The following LSR variants were observed in gnomAD, a reference collection of about 807,000 sequenced individuals.
LSR encodes the protein lipolysis stimulated lipoprotein receptor, also known as lipolysis-stimulated lipoprotein receptor.
A neutral mutation model predicts 61.8 loss-of-function variants in LSR; 44 were observed. That is an observed-to-expected ratio of 0.71 (90% CI 0.56 to 0.91). The LOEUF is 0.91. Among genes scored for constraint, LSR ranks in the 40% least tolerant of loss-of-function variants. LSR has a pLI of 0.00. For synonymous variants in LSR, 397 were observed against 350.6 expected (o/e 1.13, Z -1.48); for missense variants, 911 against 830.5 (o/e 1.10, Z -1.19).
At chr19:35,264,358 G>T (rs189009623) in intron 5 of LSR, 6 of 152,284 alleles carry the variant, frequency 3.9e-5, no homozygotes, top group African/African-American at 1.4e-4. Flanking sequence ...AATTGAAAAA[G>T]ACTTGCTCCT....
chr19:35,257,290 A>G (rs2065867871), intron 2 of LSR, among the ~76,000 whole-genome samples: 1 of 152,136 alleles, frequency 6.6e-6, no homozygotes, highest in Non-Finnish European at 1.5e-5. Flanking sequence ...AGACTTCAGC[A>G]GTTGGGTGGG....
In LSR at chr19:35,266,666, C is replaced by A; in HGVS notation, c.953-13C>A. The A allele has an allele frequency of 6.2e-7, 1 of 1,605,508 alleles. No homozygotes were observed. The highest frequency in any genetic ancestry group is 1.7e-4 in the Middle Eastern group (1 of 5,756). On this transcript the variant is annotated splice_polypyrimidine_tract_variant and intron_variant, in intron 6 of 9. Coordinates refer to ENST00000605618, the MANE Select transcript of LSR (RefSeq NM_205834.4). Reference sequence around the variant, plus strand: ...CTCCTGGTGCGCGGCCACTGACAGCCACTCTCCCCCAGCTGGTGGCCAAGG... The same window carrying A: ...CTCCTGGTGCGCGGCCACTGACAGCAACTCTCCCCCAGCTGGTGGCCAAGG...
At position 35,266,949 on chromosome 19, in the gene LSR, A is replaced by G. The variant is rs751567328; in HGVS notation, c.1126A>G (p.Ser376Gly). 2.5e-6 allele frequency: 4 copies of G among 1,612,968 alleles called. No homozygotes were observed. The African/African-American group carries it at 4.0e-5, about 16-fold the overall frequency. The change falls in exon 8 of 10, where the codon AGT (serine) becomes GGT (glycine). Residue 376 changes from serine to glycine, a missense_variant. Ser to Gly is a moderately conservative substitution (Grantham distance 56). Coordinates refer to ENST00000605618, the MANE Select transcript of LSR (RefSeq NM_205834.4). ...CGACCCTTCTCGACCTGGCCCCCCCAGTGGCCGTGTGGAGCGGGGTAAGCA... is the reference window on the plus strand; with the variant it reads ...CGACCCTTCTCGACCTGGCCCCCCCGGTGGCCGTGTGGAGCGGGGTAAGCA... ...NFDPSRPGPP[S>G]GRVERAMSEV...
intron 2 of LSR, 134 bp downstream of exon 2, chr19:35,250,793 T>TTA: frequency 1.5e-5 from 9 of 586,594 alleles, no homozygotes; most frequent in East Asian, 6.5e-5. Context: ...AAGGGAGCAA[T>TTA]TCTTTTTTTT....
At chr19:35,259,290 G>A in intron 3 of LSR, 1 of 462,898 alleles carries the variant, frequency 2.2e-6, no homozygotes, top group Non-Finnish European at 3.8e-6. Context: ...CAAACTAAGA[G>A]AAGAGTGGAG....
At chr19:35,251,473 T>G (rs1015510361) in intron 2 of LSR, 4 of 152,230 alleles carry the variant, frequency 2.6e-5, no homozygotes, top group African/African-American at 9.7e-5. Context: ...ATTGAATAGA[T>G]TCTATCATTG....
rs748243725 is a variant in LSR, at chr19:35,266,964, C to T, written c.1141C>T (p.Arg381Trp). 5.6e-6 allele frequency: 9 copies of T among 1,610,530 alleles called. No individual in the cohort carries two copies. The highest frequency in any genetic ancestry group is 1.1e-5 in the South Asian group (1 of 90,674). Reference protein sequence around the residue: ...RPGPPSGRVERAMSEVTSLHE... With the variant: ...RPGPPSGRVEWAMSEVTSLHE... ...TGGCCCCCCCAGTGGCCGTGTGGAG[C>T]GGGGTAAGCAGGAGCCTTGGGGTCT... Residue 381 changes from arginine (R) to tryptophan (W), a missense_variant, in exon 8 of 10, where the codon CGG becomes TGG. Transcript: ENST00000605618.
intron 3 of LSR, chr19:35,259,411 G>A (rs924434865): frequency 2.6e-5 from 5 of 192,946 alleles, no homozygotes; most frequent in South Asian, 8.8e-5. Flanking sequence ...AGGCCGAGGC[G>A]GGTGGATCAC....
chr19:35,256,014 C>T lies in LSR; in HGVS notation c.455-2931C>T, dbSNP rs542061975. ...TTGGGAGGCCCAGGCGGGCAGATCA[C>T]TTGAGGTCAGGAGTTCCAGACCTGC... On this transcript the variant is annotated intron_variant, in intron 2 of 9. Coordinates refer to ENST00000605618, the MANE Select transcript of LSR (RefSeq NM_205834.4). 2.6e-5 allele frequency among the ~76,000 whole-genome samples: 4 copies of T among 152,294 alleles called. No homozygotes were observed. In the South Asian group the frequency reaches 8.3e-4, roughly 32 times the overall value.
At position 35,267,529 on chromosome 19, in the gene LSR, G is replaced by A. The variant is rs1310256952; in HGVS notation, c.1565G>A (p.Arg522His). 15 of 1,612,002 alleles carry A rather than the reference G, an allele frequency of 9.3e-6. No individual in the cohort carries two copies. The highest frequency in any genetic ancestry group is 4.5e-5 in the East Asian group (2 of 44,848). Residue 522 changes from arginine to histidine, a missense_variant, in exon 9 of 10, where the codon CGT (arginine) becomes CAT (histidine). Coordinates refer to ENST00000605618, the MANE Select transcript of LSR (RefSeq NM_205834.4). ...GCCGACCCCAGGTCCCACCACCACC[G>A]TACCCGGGACCCTCGGGACAACGGC... ...PPADPRSHHH[R>H]TRDPRDNGSR...
chr19:35,260,673 T>A (rs1321907261), intron 3 of LSR, among the ~76,000 whole-genome samples: 2 of 151,978 alleles, frequency 1.3e-5, no homozygotes, highest in Non-Finnish European at 2.9e-5. Flanking sequence ...CAAAAAATTT[T>A]AAAATTAACC....
At chr19:35,267,787 C>T (rs1384714172) in intron 9 of LSR, 37 bp from the exon 10 acceptor site, 1 of 1,613,830 alleles carries the variant, frequency 6.2e-7, no homozygotes, top group Non-Finnish European at 8.5e-7. Flanking sequence ...CCAGCCGGTC[C>T]CCGCGGCTCA....
rs2066017930 is a variant in LSR at position 35,267,135 on chromosome 19, G to C, written c.1171G>C (p.Glu391Gln). 2 of 1,529,074 alleles carry C rather than the reference G, an allele frequency of 1.3e-6. No homozygotes were observed. The highest frequency in any genetic ancestry group is 2.3e-5 in the East Asian group (1 of 44,208). 94.7% of individuals were successfully genotyped at this position (1,529,074 alleles called of 1,614,324 possible). ...RAMSEVTSLH[E>Q]DDWRSRPSRG... ...CATGAGTGAAGTCACCTCCCTCCAC[G>C]AGGACGACTGGCGATCTCGGCCTTC... The change falls in exon 9 of 10, where the codon GAG (glutamate) becomes CAG (glutamine). Residue 391 changes from glutamate (E) to glutamine (Q), a missense_variant. Physicochemically the swap from Glu to Gln is conservative, Grantham distance 29. Transcript: ENST00000605618.
At chr19:35,254,133 G>A (rs1332911274) in intron 2 of LSR, among the ~76,000 whole-genome samples, 1 of 151,948 alleles carries the variant, frequency 6.6e-6, no homozygotes, top group East Asian at 1.9e-4. Context: ...TTTTTCTGTT[G>A]CCCAGGCTGG....
At chr19:35,259,336 T>A (rs2065895951) in intron 3 of LSR, 1 of 302,688 alleles carries the variant, frequency 3.3e-6, no homozygotes, top group Admixed American at 4.7e-5. Flanking sequence ...AGTCTCATTT[T>A]TAAAAAAAAT....
rs138382483 is a variant in LSR at position 35,267,861 on chromosome 19, C to G, written c.*2C>G. ...AGTCGGGAAAGTTTAGTCGTCTGATCTGACGTTTTCTACGTAGCTTTTGTA... is the reference window on the plus strand; with the variant it reads ...AGTCGGGAAAGTTTAGTCGTCTGATGTGACGTTTTCTACGTAGCTTTTGTA... On this transcript the variant is annotated 3_prime_UTR_variant, in exon 10 of 10. Coordinates refer to ENST00000605618, the MANE Select transcript of LSR (RefSeq NM_205834.4). 65 of 1,613,920 alleles carry G rather than the reference C, an allele frequency of 4.0e-5. No individual in the cohort carries two copies. In the African/African-American group the frequency reaches 7.9e-4, roughly 20 times the overall value.
At chr19:35,264,416 CAG>C (rs1439942801) in intron 5 of LSR, 25 of 152,218 alleles carry the variant, frequency 1.6e-4, no homozygotes, top group African/African-American at 5.8e-4. Context: ...GACACTTTCA[CAG>C]AGGAGCTGAT....
rs754974137 is a variant in LSR, at chr19:35,267,615, G to A, written c.1651G>A (p.Gly551Arg). 40 of 1,612,312 alleles carry A rather than the reference G, an allele frequency of 2.5e-5. No homozygotes were observed. The highest frequency in any genetic ancestry group is 6.7e-5 in the African/African-American group (5 of 74,930). ...RLLEEAVRKK[G>R]SEERRRPHKE... ...ACTGGAGGAGGCTGTGAGGAAGAAGGGGTCGGAGGAGAGGAGGAGACCCCA... is the reference window on the plus strand; with the variant it reads ...ACTGGAGGAGGCTGTGAGGAAGAAGAGGTCGGAGGAGAGGAGGAGACCCCA... Residue 551 changes from glycine to arginine, a missense_variant, in exon 9 of 10, where the codon GGG (glycine) becomes AGG (arginine). By Grantham distance (125) the Gly-to-Arg change is moderately radical (BLOSUM62 -2). Coordinates refer to ENST00000605618, the MANE Select transcript of LSR (RefSeq NM_205834.4).
Position 35,267,557 on chromosome 19 carries a change from C to G in LSR, c.1593C>G (p.Ser531=), listed in dbSNP as rs1490158238. The G allele has an allele frequency of 2.5e-6, 4 of 1,612,276 alleles. No individual in the cohort carries two copies. In the East Asian group the frequency reaches 8.9e-5, roughly 36 times the overall value. The stretch of plus-strand genomic sequence containing the variant: ...CCCGGGACCCTCGGGACAACGGCTC[C>G]AGGTCCGGGGACCTCCCCTATGATG... ...HRTRDPRDNG[S]RSGDLPYDGR... The change falls in exon 9 of 10, where the codon TCC becomes TCG. Residue 531 remains serine (S), a synonymous_variant. Coordinates refer to ENST00000605618, the MANE Select transcript of LSR (RefSeq NM_205834.4).
Sources: gnomAD v4.1 joint callset for allele counts (sites outside exome capture counted in the v4.1 genomes callset) on GRCh38, gnomAD v4.1.1 for gene constraint, MANE v1.5 for transcripts, NCBI Gene and HGNC (gene_info 2026-07-23, HGNC 2026-07-21) for gene names.